The following CTNNA3 variants were observed in gnomAD, a reference collection of about 807,000 sequenced individuals.
CTNNA3 encodes the protein catenin alpha 3, also known as catenin alpha-3.
In CTNNA3, 76 loss-of-function variants were observed where a neutral mutation model predicts 95.7. The ratio of observed to expected loss-of-function variants is 0.79; its 90% CI spans 0.66 to 0.96. The LOEUF (loss-of-function observed/expected upper bound fraction) is 0.96, where lower values mean the gene tolerates loss of function less well. CTNNA3 is among the 40% of genes least tolerant of loss of function. CTNNA3 has a pLI of 0.00. For missense variants in CTNNA3, 1,191 were observed against 1,089.8 expected, an observed-to-expected ratio of 1.09 and a Z score of -1.31; for synonymous variants, 431 against 374.4, an observed-to-expected ratio of 1.15 and a Z score of -1.74.
intron 7 of CTNNA3, among the ~76,000 whole-genome samples, chr10:67,025,668 TA>T (rs1372500224): frequency 6.6e-6 from 1 of 152,152 alleles, no homozygotes; most frequent in Non-Finnish European, 1.5e-5. Flanking sequence ...AAGTACTATA[TA>T]AGTACTATAT....
chr10:65,992,066 G>A (rs1230247860), intron 15 of CTNNA3, among the ~76,000 whole-genome samples: 1 of 152,000 alleles, frequency 6.6e-6, no homozygotes, highest in African/African-American at 2.4e-5. Context: ...ATTTGTGTAT[G>A]TTGAATCATC....
At chr10:67,199,974 C>T (rs980471947) in intron 6 of CTNNA3, among the ~76,000 whole-genome samples, 6 of 152,096 alleles carry the variant, frequency 3.9e-5, no homozygotes, top group Admixed American at 6.6e-5. Context: ...CTACGAATAC[C>T]AAGCAAAAGT....
rs758092288 is a variant in CTNNA3 at position 66,360,816 on chromosome 10, C to CCTTTCTTTCTTT, written c.1732+18324_1732+18335dup. On this transcript the variant is annotated intron_variant, in intron 12 of 17. Coordinates refer to ENST00000433211, the MANE Select transcript of CTNNA3 (RefSeq NM_013266.4). ...TCCTTCCTTCCTTCCTTCCTTCCTT[C>CCTTTCTTTCTTT]CTTTCTTTCTTTCTTTCTTTCTTTC... Among the ~76,000 whole-genome samples, 185 of 50,216 alleles carry CCTTTCTTTCTTT rather than the reference C, an allele frequency of 3.7e-3. 1 individual carries two copies. The highest frequency in any genetic ancestry group is 0.012 in the South Asian group (11 of 950). The allele number at this position is 50,216 out of a possible 152,430, so 32.9% of individuals were successfully genotyped here.
At chr10:67,592,812 T>C (rs1046904098) in intron 3 of CTNNA3, among the ~76,000 whole-genome samples, 1 of 152,186 alleles carries the variant, frequency 6.6e-6, no homozygotes, top group African/African-American at 2.4e-5. Context: ...TTTTTTTAAC[T>C]TTCTCCTTCC....
chr10:67,615,016 T>C (rs1843600160), intron 2 of CTNNA3, among the ~76,000 whole-genome samples: 1 of 152,180 alleles, frequency 6.6e-6, no homozygotes, highest in South Asian at 2.1e-4. Context: ...TAATTACTTC[T>C]ATATCCAAAG....
intron 9 of CTNNA3, among the ~76,000 whole-genome samples, chr10:66,690,791 A>G (rs1393457861): frequency 4.6e-5 from 7 of 152,062 alleles, no homozygotes; most frequent in Non-Finnish European, 1.0e-4. Context: ...ATACATGTGC[A>G]TGTGTCTTTA....
intron 7 of CTNNA3, among the ~76,000 whole-genome samples, chr10:67,107,156 A>G (rs2131960280): frequency 6.6e-6 from 1 of 152,344 alleles, no homozygotes; most frequent in East Asian, 1.9e-4. Flanking sequence ...ATTTACTAAC[A>G]TCTATTATTC....
At chr10:66,781,060 C>G (rs1280137900) in intron 7 of CTNNA3, among the ~76,000 whole-genome samples, 1 of 152,020 alleles carries the variant, frequency 6.6e-6, no homozygotes, top group Non-Finnish European at 1.5e-5. Flanking sequence ...AATAGGAAGG[C>G]CATGATGCTC....
chr10:66,808,910 C>T (rs1841764937), intron 7 of CTNNA3, among the ~76,000 whole-genome samples: 1 of 152,146 alleles, frequency 6.6e-6, no homozygotes, highest in African/African-American at 2.4e-5. Flanking sequence ...TAAAATGAAT[C>T]TTCAAGTGTA....
At chr10:66,502,703 T>C (rs568122588) in intron 11 of CTNNA3, among the ~76,000 whole-genome samples, 1 of 152,250 alleles carries the variant, frequency 6.6e-6, no homozygotes, top group South Asian at 2.1e-4. Flanking sequence ...TGCTGCTATT[T>C]GCTCATTTCC....
intron 12 of CTNNA3, among the ~76,000 whole-genome samples, chr10:66,285,054 G>T (rs2091561671): frequency 6.6e-6 from 1 of 151,688 alleles, no homozygotes; most frequent in South Asian, 2.1e-4. Context: ...ACAAATCAAT[G>T]ACTAGTAAGG....
At chr10:67,698,878 T>A (rs2133600510), upstream of CTNNA3, among the ~76,000 whole-genome samples, 1 of 152,112 alleles carries the variant, frequency 6.6e-6, no homozygotes, top group South Asian at 2.1e-4. Flanking sequence ...CACTCTCCCT[T>A]CCCAACCATC....
intron 7 of CTNNA3, among the ~76,000 whole-genome samples, chr10:67,161,588 A>G (rs977319954): frequency 1.3e-5 from 2 of 152,036 alleles, no homozygotes; most frequent in Non-Finnish European, 2.9e-5. Context: ...TATTCAAGTA[A>G]CTGACAAAAA....
intron 17 of CTNNA3, among the ~76,000 whole-genome samples, chr10:65,933,224 A>T (rs1203169781): frequency 6.6e-6 from 1 of 152,196 alleles, no homozygotes; most frequent in Non-Finnish European, 1.5e-5. Context: ...AGGGGTCCAG[A>T]CACATTGGTG....
At chr10:66,354,466 A>C (rs990719923) in intron 12 of CTNNA3, among the ~76,000 whole-genome samples, 4 of 152,062 alleles carry the variant, frequency 2.6e-5, no homozygotes, top group African/African-American at 9.7e-5. Context: ...AATGTGTCCA[A>C]AAACAGTTGA....
At chr10:67,739,467 T>C (rs1218878568) in intron 1 of CTNNA3, among the ~76,000 whole-genome samples, 1 of 152,076 alleles carries the variant, frequency 6.6e-6, no homozygotes, top group Admixed American at 6.6e-5. Flanking sequence ...AGTCTCAGGA[T>C]ACAAAATCAG....
At chr10:66,380,637 A>C (rs4542292) in intron 11 of CTNNA3, among the ~76,000 whole-genome samples, 20,780 of 143,110 alleles carry the variant, frequency 0.15, 2,011 homozygotes, top group East Asian at 0.45. Context: ...ATATATATAT[A>C]TATATTAAAT....
At chr10:66,167,459 A>C (rs1265244699) in intron 13 of CTNNA3, among the ~76,000 whole-genome samples, 3 of 152,174 alleles carry the variant, frequency 2.0e-5, no homozygotes, top group Non-Finnish European at 4.4e-5. Context: ...GTACAAATGA[A>C]TCGTTTTAAA....
intron 9 of CTNNA3, among the ~76,000 whole-genome samples, chr10:66,713,138 C>T (rs1476458139): frequency 6.6e-6 from 1 of 152,108 alleles, no homozygotes; most frequent in Non-Finnish European, 1.5e-5. Context: ...TAGCAGGCTG[C>T]TATGATCTGG....
Sources: allele counts gnomAD v4.1 joint callset (sites outside exome capture counted in the v4.1 genomes callset), GRCh38; gene constraint gnomAD v4.1.1; transcripts MANE v1.5; gene names NCBI Gene and HGNC (gene_info 2026-07-23, HGNC 2026-07-21).